Variants in FAM13C observed in about 807,000 individuals in gnomAD.
FAM13C encodes the protein protein FAM13C.
Under a neutral mutation model 73.2 loss-of-function variants are expected in FAM13C, and 37 were observed. The observed-to-expected ratio is 0.51, with a 90% CI of 0.39 to 0.67. FAM13C has a LOEUF of 0.67. FAM13C is among the 30% of genes least tolerant of loss of function. The pLI is 0.00. For missense variants in FAM13C, 589 were observed against 715.6 expected, an observed-to-expected ratio of 0.82 and a Z score of 2.02; for synonymous variants, 246 against 260.9, an observed-to-expected ratio of 0.94 and a Z score of 0.55.
At chr10:59,323,749 C>T (rs1040031611) in intron 4 of FAM13C, among the ~76,000 whole-genome samples, 2 of 152,186 alleles carry the variant, frequency 1.3e-5, no homozygotes, top group Non-Finnish European at 1.5e-5. Context: ...GTCTCCACTT[C>T]CCCCTGAGCC....
Position 59,302,625 on chromosome 10 carries a change from C to T in FAM13C, c.507+176G>A, listed in dbSNP as rs116421371. On this transcript the variant is annotated intron_variant, in intron 5 of 13. Coordinates refer to ENST00000618804, the MANE Select transcript of FAM13C (RefSeq NM_198215.4). Reference sequence around the variant, plus strand: ...TCACAAACAGTATTTTAAATGTTTGCTCCGGAAAAAGGAAAAACATTACCA... The same window carrying T: ...TCACAAACAGTATTTTAAATGTTTGTTCCGGAAAAAGGAAAAACATTACCA... Among the ~76,000 whole-genome samples the T allele has an allele frequency of 7.5e-3, 1,137 of 152,246 alleles. 20 individuals are homozygous for T. The highest frequency in any genetic ancestry group is 0.026 in the African/African-American group (1,075 of 41,554).
At chr10:59,280,297 A>G (rs937659624) in intron 6 of FAM13C, among the ~76,000 whole-genome samples, 1 of 152,010 alleles carries the variant, frequency 6.6e-6, no homozygotes, top group African/African-American at 2.4e-5. Context: ...CTTGCAGCCA[A>G]TTTCCTCTCC....
intron 8 of FAM13C, among the ~76,000 whole-genome samples, chr10:59,264,952 C>T (rs554671460): frequency 3.3e-4 from 50 of 152,178 alleles, no homozygotes; most frequent in African/African-American, 1.2e-3. Flanking sequence ...TGATCATAAA[C>T]ATAATAGCCT....
chr10:59,315,946 T>C (rs1167853914), intron 4 of FAM13C, among the ~76,000 whole-genome samples: 2 of 152,194 alleles, frequency 1.3e-5, no homozygotes, highest in Admixed American at 1.3e-4. Context: ...TCTTTTTTTC[T>C]TTTAACAAGG....
rs75502364 is a variant in FAM13C at position 59,333,784 on chromosome 10, T to C, written c.325-9678A>G. Among the ~76,000 whole-genome samples the C allele has an allele frequency of 8.4e-3, 1,284 of 152,298 alleles. 26 individuals are homozygous for C. The highest frequency in any genetic ancestry group is 0.03 in the African/African-American group (1,231 of 41,570). ...AAGCAGTCATGAGAAAAATCCAAAT[T>C]TACCATCACAAATATTACTTCAGCT... On this transcript the variant is annotated intron_variant, in intron 3 of 13. Transcript: ENST00000618804.
At chr10:59,357,258 T>C (rs284610) in intron 1 of FAM13C, among the ~76,000 whole-genome samples, 12,592 of 152,254 alleles carry the variant, frequency 0.083, 619 homozygotes, top group Non-Finnish European at 0.11. Context: ...GCCAAGTTCC[T>C]ACTTTAACCT....
At chr10:59,255,485 G>T (rs892798633) in intron 10 of FAM13C, among the ~76,000 whole-genome samples, 1 of 151,876 alleles carries the variant, frequency 6.6e-6, no homozygotes, top group African/African-American at 2.4e-5. Context: ...TGCTTGCATT[G>T]GTTTTTTCCT....
At chr10:59,327,063 T>A (rs531902620) in intron 3 of FAM13C, among the ~76,000 whole-genome samples, 1 of 151,738 alleles carries the variant, frequency 6.6e-6, no homozygotes, top group South Asian at 2.1e-4. Context: ...ATGAGAAAGG[T>A]GAAATTTTGA....
chr10:59,251,504 A>T, intron 13 of FAM13C, 71 bp downstream of exon 13: 1 of 1,366,856 alleles, frequency 7.3e-7, no homozygotes, highest in East Asian at 2.3e-5. Context: ...TCCTGCAAAA[A>T]ATTGCAGCTC....
chr10:59,330,116 A>C (rs1412507581), intron 3 of FAM13C, among the ~76,000 whole-genome samples: 3 of 152,228 alleles, frequency 2.0e-5, no homozygotes, highest in African/African-American at 7.2e-5. Context: ...AACAGCTTTG[A>C]TATACAGTTC....
intron 8 of FAM13C, among the ~76,000 whole-genome samples, chr10:59,265,135 T>C (rs1036219881): frequency 2.0e-5 from 3 of 152,064 alleles, no homozygotes; most frequent in Non-Finnish European, 4.4e-5. Context: ...TCATCACGTG[T>C]ACATGAGTTT....
At chr10:59,345,858 A>C (rs1489859775) in intron 3 of FAM13C, among the ~76,000 whole-genome samples, 1 of 152,238 alleles carries the variant, frequency 6.6e-6, no homozygotes, top group African/African-American at 2.4e-5. Context: ...AACTGGAGCT[A>C]CTAAATCATG....
intron 6 of FAM13C, among the ~76,000 whole-genome samples, chr10:59,270,635 T>C (rs1843624635): frequency 6.6e-6 from 1 of 152,200 alleles, no homozygotes; most frequent in Admixed American, 6.5e-5. Context: ...TGGAGAACTC[T>C]GCTTATCTAC....
intron 3 of FAM13C, among the ~76,000 whole-genome samples, chr10:59,338,268 G>A (rs574690486): frequency 3.9e-5 from 6 of 152,110 alleles, no homozygotes; most frequent in African/African-American, 1.4e-4. Flanking sequence ...TCCACTGCCT[G>A]TTCCTCTCAC....
intron 13 of FAM13C, 162 bp downstream of exon 13, chr10:59,251,413 G>A: frequency 4.5e-6 from 3 of 669,752 alleles, no homozygotes; most frequent in Non-Finnish European, 8.0e-6. Flanking sequence ...CCTAATACTG[G>A]CACTATTAGA....
rs1842225070 is a variant in FAM13C at position 59,259,088 on chromosome 10, T to C, written c.1236+3346A>G. Among the ~76,000 whole-genome samples the C allele has an allele frequency of 2.0e-5, 3 of 152,126 alleles. No homozygotes were observed. In the South Asian group the frequency reaches 6.2e-4, roughly 32 times the overall value. On this transcript the variant is annotated intron_variant, in intron 10 of 13. Transcript: ENST00000618804. ...AGGCACTACAGTTCAGCTCAGGGGATGATTAATTAATTTCCAGTGTACAGC... is the reference window on the plus strand; with the variant it reads ...AGGCACTACAGTTCAGCTCAGGGGACGATTAATTAATTTCCAGTGTACAGC...
At chr10:59,359,242 C>T (rs1016199268) in intron 1 of FAM13C, among the ~76,000 whole-genome samples, 1 of 152,186 alleles carries the variant, frequency 6.6e-6, no homozygotes, top group Non-Finnish European at 1.5e-5. Flanking sequence ...AGGCCTCAAT[C>T]GGTGAAGCCT....
chr10:59,278,312 G>C (rs1047838234), intron 6 of FAM13C, among the ~76,000 whole-genome samples: 1 of 152,046 alleles, frequency 6.6e-6, no homozygotes. Context: ...TTCATCTGGG[G>C]GTGATAATGA....
At chr10:59,281,640 G>A (rs535389868) in intron 6 of FAM13C, among the ~76,000 whole-genome samples, 5 of 152,264 alleles carry the variant, frequency 3.3e-5, no homozygotes, top group South Asian at 2.1e-4. Flanking sequence ...TAGTTCCTCC[G>A]TGTGAGCAAT....
Sources: allele counts gnomAD v4.1 joint callset (sites outside exome capture counted in the v4.1 genomes callset), GRCh38; gene constraint gnomAD v4.1.1; transcripts MANE v1.5; gene names NCBI Gene and HGNC (gene_info 2026-07-23, HGNC 2026-07-21).